The following CHD5 variants were observed in gnomAD, a reference collection of about 807,000 sequenced individuals.
CHD5 encodes the protein ATP-dependent chromatin remodeler CHD5.
CHD5 carries 69 observed loss-of-function variants against 230.3 expected under a neutral mutation model. The ratio of observed to expected loss-of-function variants is 0.30; its 90% confidence interval spans 0.25 to 0.37. CHD5 has a LOEUF of 0.37. Among genes scored for constraint, CHD5 ranks in the 10% least tolerant of loss-of-function variants. CHD5 has a pLI of 1.00. For missense variants in CHD5, 1,827 were observed against 2,622.8 expected, an observed-to-expected ratio of 0.70 and a Z score of 6.63; for synonymous variants, 1,064 against 1,065.9, an observed-to-expected ratio of 1.00 and a Z score of 0.03.
In CHD5 at chr1:6,117,597, A is replaced by T. The variant is rs147873738; in HGVS notation, c.4912+3508T>A. ...AAGAACTCTTACAATTCAATAATTT[A>T]AAAAAATCCAATTTTAAAGTAGACA... On this transcript the variant is annotated intron_variant, in intron 33 of 41. Coordinates refer to ENST00000262450, the MANE Select transcript of CHD5 (RefSeq NM_015557.3). 2.6e-3 allele frequency among the ~76,000 whole-genome samples: 401 copies of T among 152,210 alleles called. 2 individuals are homozygous for T. Among genetic ancestry groups the T allele is most frequent in the African/African-American group, 9.3e-3 (386 of 41,482 alleles).
rs1175191798 is a variant in CHD5 at position 6,102,122 on chromosome 1, G to A, written c.*3352C>T. On this transcript the variant is annotated 3_prime_UTR_variant, in exon 42 of 42. Coordinates refer to ENST00000262450, the MANE Select transcript of CHD5 (RefSeq NM_015557.3). Reference sequence around the variant, plus strand: ...CCACACCCCTGAACTCAGACCCCACGGGCCAGTGGGGACCCTCCCTTCCTC... The same window carrying A: ...CCACACCCCTGAACTCAGACCCCACAGGCCAGTGGGGACCCTCCCTTCCTC... 9.2e-6 allele frequency: 3 copies of A among 326,726 alleles called. No homozygotes were observed. Among genetic ancestry groups the A allele is most frequent in the South Asian group, 4.4e-5 (2 of 45,408 alleles). 20.2% of individuals were successfully genotyped at this position (326,726 alleles called of 1,614,324 possible). A position where few individuals can be genotyped will look rare whatever the true frequency, so the allele number is the denominator to read the frequency against.
intron 3 of CHD5, among the ~76,000 whole-genome samples, chr1:6,157,534 G>A (rs879915191): frequency 3.9e-5 from 6 of 152,224 alleles, no homozygotes; most frequent in Non-Finnish European, 8.8e-5. Flanking sequence ...AGGCCCCGGA[G>A]CTGGGCTTCT....
intron 13 of CHD5, among the ~76,000 whole-genome samples, chr1:6,143,023 C>G (rs1460757295): frequency 6.6e-6 from 1 of 151,912 alleles, no homozygotes; most frequent in East Asian, 1.9e-4. Context: ...TTCGCAACGC[C>G]CCCAGTAACA....
intron 33 of CHD5, among the ~76,000 whole-genome samples, chr1:6,118,074 C>T (rs1275360818): frequency 6.6e-6 from 1 of 152,042 alleles, no homozygotes. Context: ...TAGATCCATA[C>T]AATGGAATAT....
Position 6,110,412 on chromosome 1 carries a change from G to A in CHD5, c.5364C>T (p.Phe1788=). 1 of 1,614,008 alleles carries A rather than the reference G, an allele frequency of 6.2e-7. No individual in the cohort carries two copies. Among genetic ancestry groups the A allele is most frequent in the South Asian group, 1.1e-5 (1 of 91,080 alleles). The change falls in exon 37 of 42, where the codon TTC becomes TTT. Residue 1788 remains phenylalanine (F), a synonymous_variant. Coordinates refer to ENST00000262450, the MANE Select transcript of CHD5 (RefSeq NM_015557.3). The stretch of plus-strand genomic sequence containing the variant: ...GACAGACCTTAAACCTGCGGGCCAG[G>A]AACTTGTTCTTCATCTCCAGGTAGT... ...KGNYLEMKNK[F]LARRFKLLEQ...
At chr1:6,159,752 A>G (rs1340724125) in intron 2 of CHD5, among the ~76,000 whole-genome samples, 2 of 152,254 alleles carry the variant, frequency 1.3e-5, no homozygotes, top group Non-Finnish European at 2.9e-5. Flanking sequence ...CACAGGAAGC[A>G]GTAGAACCTG....
At chr1:6,127,572 G>A (rs1571147564) in intron 25 of CHD5, among the ~76,000 whole-genome samples, 2 of 152,214 alleles carry the variant, frequency 1.3e-5, no homozygotes, top group Admixed American at 1.3e-4. Context: ...TGAGGAAGGG[G>A]CGGGAGGGTG....
At position 6,159,319 on chromosome 1, in the gene CHD5, C is replaced by T. The variant is rs1487043226; in HGVS notation, c.387+17G>A. ...GGGGATGTCGCTCTGTCCCCCCAGC[C>T]AGGCCTCCACAGTTACCTTTAAGCA... On this transcript the variant is annotated intron_variant, in intron 3 of 41. Coordinates refer to ENST00000262450, the MANE Select transcript of CHD5 (RefSeq NM_015557.3). 1 of 1,551,286 alleles carries T rather than the reference C, an allele frequency of 6.4e-7. No homozygotes were observed.
chr1:6,165,201 C>G (rs1463439398), intron 2 of CHD5, among the ~76,000 whole-genome samples: 3 of 152,150 alleles, frequency 2.0e-5, no homozygotes, highest in African/African-American at 7.2e-5. Flanking sequence ...GCCCCCAGCC[C>G]CCAGGCCTCG....
intron 38 of CHD5, among the ~76,000 whole-genome samples, chr1:6,107,604 T>G (rs28971622): frequency 0.33 from 25,076 of 76,964 alleles, 2,976 homozygotes; most frequent in East Asian, 0.61. Context: ...GGATGATGGA[T>G]AGATAAAGGG....
At position 6,151,108 on chromosome 1, in the gene CHD5, G is replaced by A. The variant is rs1667000824; in HGVS notation, c.918C>T (p.Ile306=). The A allele has an allele frequency of 1.2e-6, 2 of 1,610,152 alleles. No individual in the cohort carries two copies. The highest frequency in any genetic ancestry group is 1.7e-6 in the Non-Finnish European group (2 of 1,178,090). Residue 306 remains isoleucine, a synonymous_variant, in exon 7 of 42, where the codon ATC becomes ATT. Transcript: ENST00000262450. ...REESDFDSAS[I]HSASVRSECS... ...ATTCGGAGCGCACGGAGGCACTGTG[G>A]ATGCTGGCGCTGTCGAAGTCCGACT...
chr1:6,177,809 C>T (rs578079407), intron 1 of CHD5, among the ~76,000 whole-genome samples: 7 of 152,176 alleles, frequency 4.6e-5, no homozygotes, highest in South Asian at 4.1e-4. Flanking sequence ...GAGCGTGGAG[C>T]GTGGAGTGTT....
At chr1:6,140,967 A>AAATAATAATAAT (rs60543576) in intron 15 of CHD5, among the ~76,000 whole-genome samples, 10,534 of 139,802 alleles carry the variant, frequency 0.075, 466 homozygotes, top group South Asian at 0.14. Context: ...CCCTGTCTCA[A>AAATAATAATAAT]AATAATAATA....
chr1:6,139,735 G>A (rs1001640194), intron 15 of CHD5, among the ~76,000 whole-genome samples: 39 of 152,196 alleles, frequency 2.6e-4, no homozygotes, highest in African/African-American at 8.2e-4. Flanking sequence ...TTTTAAAAAC[G>A]GTTAAGATGG....
intron 36 of CHD5, among the ~76,000 whole-genome samples, chr1:6,111,237 AAAG>A (rs1329311589): frequency 1.2e-4 from 13 of 110,874 alleles, no homozygotes; most frequent in East Asian, 1.1e-3. Context: ...CTCAAAAAAA[AAAG>A]AAAAAGAAAA....
At position 6,142,515 on chromosome 1, in the gene CHD5, G is replaced by C. The variant is rs556178109; in HGVS notation, c.2134C>G (p.Arg712Gly). 6.2e-7 allele frequency: 1 copy of C among 1,613,946 alleles called. No individual in the cohort carries two copies. The highest frequency in any genetic ancestry group is 1.3e-5 in the African/African-American group (1 of 74,934). ...TCAGTGCCCTGGGCCCAAGAGAAGC[G>C]CAGCCAGTTGAGGCCCTCCAGCTGG... ...PYQLEGLNWLRFSWAQGTDTI... is the reference protein window; with the variant it reads ...PYQLEGLNWLGFSWAQGTDTI... The change falls in exon 14 of 42, where the codon CGC becomes GGC. Residue 712 changes from arginine (R) to glycine (G), a missense_variant. Physicochemically the swap from Arg to Gly is moderately radical, Grantham distance 125 (BLOSUM62 -2). Around this residue, in one of 14 missense-constraint regions of CHD5, gnomAD observed 37 missense variants for 105.7 expected, o/e 0.35. Coordinates refer to ENST00000262450, the MANE Select transcript of CHD5 (RefSeq NM_015557.3). This position sits in a 1 kb window ranked among gnomAD's most constrained non-coding sequence, Gnocchi z 5.2.
At chr1:6,162,013 G>C (rs543211599) in intron 2 of CHD5, among the ~76,000 whole-genome samples, 1 of 152,198 alleles carries the variant, frequency 6.6e-6, no homozygotes, top group African/African-American at 2.4e-5. Context: ...CCAAGTCACT[G>C]TAGCGAGCTA....
chr1:6,159,830 C>T (rs1291257045), intron 2 of CHD5, among the ~76,000 whole-genome samples: 1 of 152,282 alleles, frequency 6.6e-6, no homozygotes, highest in South Asian at 2.1e-4. Flanking sequence ...TCAGCCCACT[C>T]CAGCAGCCCT....
In CHD5 at chr1:6,134,289, G is replaced by A. The variant is rs1427151635; in HGVS notation, c.3013-30C>T. On this transcript the variant is annotated intron_variant, in intron 19 of 41. Coordinates refer to ENST00000262450, the MANE Select transcript of CHD5 (RefSeq NM_015557.3). This position sits in a 1 kb window ranked among gnomAD's most constrained non-coding sequence, Gnocchi z 6.3. ...AGACACAGCAGGAGGTGGGGCATTG[G>A]TGGGCTCCCCTCTCCTCTCTGACTC... 2 of 1,607,634 alleles carry A rather than the reference G, an allele frequency of 1.2e-6. No homozygotes were observed. The highest frequency in any genetic ancestry group is 2.2e-5 in the East Asian group (1 of 44,864).
Sources: allele counts gnomAD v4.1 joint callset (sites outside exome capture counted in the v4.1 genomes callset), GRCh38; gene constraint gnomAD v4.1.1; regional missense constraint gnomAD v4.1.1; non-coding constraint Gnocchi (gnomAD v3.1); transcripts MANE v1.5; gene names NCBI Gene and HGNC (gene_info 2026-07-23, HGNC 2026-07-21).